Variants in DLGAP2 observed in about 807,000 individuals in gnomAD.
DLGAP2 encodes disks large-associated protein 2.
Under a neutral mutation model 100.3 loss-of-function variants are expected in DLGAP2, and 26 were observed. That is an observed-to-expected ratio of 0.26 (90% confidence interval 0.19 to 0.36). DLGAP2 has a LOEUF of 0.36. Ranked by LOEUF, DLGAP2 falls within the 10% of genes least tolerant of loss-of-function variation. DLGAP2 has a pLI of 1.00. For missense variants in DLGAP2, 1,858 were observed against 1,453.2 expected, an observed-to-expected ratio of 1.28 and a Z score of -4.53; for synonymous variants, 886 against 630.1, an observed-to-expected ratio of 1.41 and a Z score of -6.08.
intron 2 of DLGAP2, among the ~76,000 whole-genome samples, chr8:1,049,131 CAAT>C (rs1302846165): frequency 3.3e-5 from 5 of 152,172 alleles, no homozygotes; most frequent in Non-Finnish European, 7.3e-5. Flanking sequence ...CGGGCACTGT[CAAT>C]AATGTTTAGA....
At chr8:1,614,525 G>C (rs1380491585) in intron 6 of DLGAP2, among the ~76,000 whole-genome samples, 1 of 152,214 alleles carries the variant, frequency 6.6e-6, no homozygotes, top group Admixed American at 6.5e-5. Context: ...TCACCTCCAG[G>C]TGTGCAGAAA....
At chr8:989,248 C>T (rs1408479380) in intron 2 of DLGAP2, among the ~76,000 whole-genome samples, 1 of 152,170 alleles carries the variant, frequency 6.6e-6, no homozygotes, top group Non-Finnish European at 1.5e-5. Context: ...CTCTGGGTTC[C>T]CAGGAAGGAG....
At chr8:1,262,286 G>T (rs1411129842) in intron 3 of DLGAP2, 5 of 152,192 alleles carry the variant, frequency 3.3e-5, no homozygotes, top group Admixed American at 6.5e-5. Flanking sequence ...TGTAGATCAT[G>T]ATCTCAATAT....
At chr8:777,823 T>C (rs1345171032) in intron 1 of DLGAP2, among the ~76,000 whole-genome samples, 4 of 152,174 alleles carry the variant, frequency 2.6e-5, no homozygotes, top group Non-Finnish European at 4.4e-5. Context: ...CTGACAGTTA[T>C]GTGTCTTGGA....
intron 3 of DLGAP2, among the ~76,000 whole-genome samples, chr8:1,423,439 G>A (rs557620538): frequency 1.3e-3 from 194 of 152,310 alleles, no homozygotes; most frequent in Middle Eastern, 3.4e-3. Context: ...TTTGTGCTCC[G>A]CGAGGTCTGA....
chr8:1,637,293 ATGAGCAGC>A (rs1186691754), intron 8 of DLGAP2, among the ~76,000 whole-genome samples: 1 of 152,156 alleles, frequency 6.6e-6, no homozygotes, highest in African/African-American at 2.4e-5. Context: ...TACTGGAAAA[ATGAGCAGC>A]TGGAGGTTCT....
chr8:1,257,532 A>G (rs2116901242), intron 2 of DLGAP2, among the ~76,000 whole-genome samples: 1 of 144,314 alleles, frequency 6.9e-6, no homozygotes, highest in South Asian at 2.3e-4. Flanking sequence ...CGCTCCCCAG[A>G]TTACTATTTA....
chr8:1,269,416 A>C (rs965625359), intron 3 of DLGAP2, among the ~76,000 whole-genome samples: 1 of 152,222 alleles, frequency 6.6e-6, no homozygotes, highest in Non-Finnish European at 1.5e-5. Context: ...AGCCTAGGTC[A>C]GAGCCATCCA....
chr8:1,197,045 G>A (rs1200429316), intron 2 of DLGAP2, among the ~76,000 whole-genome samples: 1 of 152,162 alleles, frequency 6.6e-6, no homozygotes. Context: ...GGAGGAGATG[G>A]AGGCCTCGCC....
intron 1 of DLGAP2, among the ~76,000 whole-genome samples, chr8:906,515 C>T (rs1212268282): frequency 2.6e-5 from 4 of 152,306 alleles, no homozygotes; most frequent in South Asian, 2.1e-4. Context: ...CCCTCGAAGG[C>T]GTCAAACCCC....
chr8:1,243,001 C>T (rs1482752460), intron 2 of DLGAP2, among the ~76,000 whole-genome samples: 1 of 152,194 alleles, frequency 6.6e-6, no homozygotes, highest in African/African-American at 2.4e-5. Flanking sequence ...GCATCGTCTT[C>T]TCTGGGGAGC....
intron 3 of DLGAP2, among the ~76,000 whole-genome samples, chr8:1,329,191 C>G (rs1001258481): frequency 6.6e-6 from 1 of 152,142 alleles, no homozygotes; most frequent in Admixed American, 6.5e-5. Context: ...TGTGAAGAAA[C>G]CTTTATGGAT....
chr8:1,300,563 T>C (rs1252879657), intron 3 of DLGAP2: 1 of 152,282 alleles, frequency 6.6e-6, no homozygotes, highest in East Asian at 1.9e-4. Context: ...CCCTGTCGTG[T>C]GTGGGGTCAG....
intron 6 of DLGAP2, among the ~76,000 whole-genome samples, chr8:1,587,953 T>G (rs1419452177): frequency 6.6e-6 from 1 of 152,186 alleles, no homozygotes; most frequent in Non-Finnish European, 1.5e-5. Flanking sequence ...AATGAGCTAC[T>G]TTTCTGAGTT....
intron 2 of DLGAP2, among the ~76,000 whole-genome samples, chr8:1,156,619 G>GCGCTCCAGCCCAA (rs1284825923): frequency 6.6e-6 from 1 of 150,996 alleles, no homozygotes; most frequent in East Asian, 2.0e-4. Flanking sequence ...TCCCAGCCCA[G>GCGCTCCAGCCCAA]CGCCCCAGCC....
intron 12 of DLGAP2, 28 bp downstream of exon 12, chr8:1,678,657 C>G: frequency 2.7e-6 from 4 of 1,463,598 alleles, no homozygotes; most frequent in Non-Finnish European, 2.7e-6. Context: ...CCTAGGGCCT[C>G]TTAAATATCA....
chr8:846,569 G>A (rs1008594975), intron 1 of DLGAP2, among the ~76,000 whole-genome samples: 14 of 152,144 alleles, frequency 9.2e-5, no homozygotes, highest in African/African-American at 2.9e-4. Flanking sequence ...CCATATCTTG[G>A]ATATGATGAA....
intron 4 of DLGAP2, among the ~76,000 whole-genome samples, chr8:1,517,218 G>A (rs1198641412): frequency 6.6e-6 from 1 of 152,196 alleles, no homozygotes; most frequent in Non-Finnish European, 1.5e-5. Context: ...GTTAGAAAGT[G>A]AGTTCTGGCA....
intron 1 of DLGAP2, among the ~76,000 whole-genome samples, chr8:819,827 G>T (rs889730633): frequency 6.6e-6 from 1 of 152,120 alleles, no homozygotes; most frequent in East Asian, 1.9e-4. Flanking sequence ...TGGCTGACTC[G>T]GCATGGAAAT....
Sources: allele counts gnomAD v4.1 joint callset (sites outside exome capture counted in the v4.1 genomes callset), GRCh38; gene constraint gnomAD v4.1.1; transcripts MANE v1.5; gene names NCBI Gene and HGNC (gene_info 2026-07-23, HGNC 2026-07-21).